PKP4: variants seen among roughly 807,000 people sequenced by gnomAD.
PKP4 encodes plakophilin-4.
PKP4 carries 90 observed loss-of-function variants against 145.1 expected under a neutral mutation model. The observed-to-expected ratio is 0.62, with a 90% CI of 0.52 to 0.74. The LOEUF (loss-of-function observed/expected upper bound fraction) is 0.74, where lower values mean the gene tolerates loss of function less well. Ranked by LOEUF, PKP4 falls within the 30% of genes least tolerant of loss-of-function variation. PKP4 has a pLI of 0.00. For synonymous variants in PKP4, 563 were observed against 577.2 expected (o/e 0.98, Z 0.35); for missense variants, 1,340 against 1,482.7 (o/e 0.90, Z 1.58).
chr2:158,655,973 T>C (rs1409418973), intron 11 of PKP4, among the ~76,000 whole-genome samples: 1 of 152,252 alleles, frequency 6.6e-6, no homozygotes, highest in Non-Finnish European at 1.5e-5. Flanking sequence ...TCCCTTGCCC[T>C]GTTATTTGGT....
rs1436786209 is a variant in PKP4, at chr2:158,642,824, C to T, written c.1909+125C>T. On this transcript the variant is annotated intron_variant, in intron 11 of 21. Transcript: ENST00000389759. ...AATAGATAATGAGATATATATAGTG[C>T]TCACAACTGTGAAGGCTGAGAATTA... 7.0e-6 allele frequency: 4 copies of T among 570,212 alleles called. No individual in the cohort carries two copies. The African/African-American group carries it at 7.4e-5, about 11-fold the overall frequency. 35.3% of individuals were successfully genotyped at this position (570,212 alleles called of 1,614,324 possible).
chr2:158,563,873 A>G (rs992743063), intron 2 of PKP4, among the ~76,000 whole-genome samples: 2 of 152,178 alleles, frequency 1.3e-5, no homozygotes, highest in African/African-American at 4.8e-5. Flanking sequence ...TTGGAATATT[A>G]TTGAACACTG....
chr2:158,551,931 G>T (rs1391499252), intron 2 of PKP4, among the ~76,000 whole-genome samples: 1 of 152,122 alleles, frequency 6.6e-6, no homozygotes, highest in African/African-American at 2.4e-5. Context: ...ACTGATTGTG[G>T]GAGGCAGAAT....
intron 3 of PKP4, among the ~76,000 whole-genome samples, chr2:158,590,169 C>A (rs1401213278): frequency 6.6e-6 from 1 of 151,976 alleles, no homozygotes; most frequent in Non-Finnish European, 1.5e-5. Context: ...GAAAAACACT[C>A]TAAAACTGAA....
chr2:158,524,324 T>C lies in PKP4; in HGVS notation c.-5-8856T>C, dbSNP rs1221570102. On this transcript the variant is annotated intron_variant, in intron 1 of 21. Coordinates refer to ENST00000389759, the MANE Select transcript of PKP4 (RefSeq NM_003628.6). ...CAAGCCAGAAGAGAGTGGGGGCCAATATTCAACATTCTTAAAGAAAAGAAT... is the reference window on the plus strand; with the variant it reads ...CAAGCCAGAAGAGAGTGGGGGCCAACATTCAACATTCTTAAAGAAAAGAAT... 7.0e-5 allele frequency among the ~76,000 whole-genome samples: 3 copies of C among 42,800 alleles called. No homozygotes were observed. In the East Asian group the frequency reaches 2.2e-3, roughly 31 times the overall value. The allele number at this position is 42,800 out of a possible 152,430, so 28.1% of individuals were successfully genotyped here.
At position 158,634,671 on chromosome 2, in the gene PKP4, A is replaced by G. The variant is rs1223993196; in HGVS notation, c.1562+382A>G. Among the ~76,000 whole-genome samples the G allele has an allele frequency of 2.0e-5, 3 of 152,238 alleles. No individual in the cohort carries two copies. In the East Asian group the frequency reaches 5.8e-4, roughly 29 times the overall value. ...CGACTTCTTCGATAACAGCTTCAAA[A>G]AATGGATTTGGTTATTACAAACTAG... On this transcript the variant is annotated intron_variant, in intron 9 of 21. Transcript: ENST00000389759.
At chr2:158,486,080 G>A (rs1348083115) in intron 1 of PKP4, among the ~76,000 whole-genome samples, 9 of 152,154 alleles carry the variant, frequency 5.9e-5, no homozygotes, top group Admixed American at 5.2e-4. Flanking sequence ...ATTTGATAAG[G>A]AAAATTGGAA....
chr2:158,570,694 A>C (rs950994929), intron 2 of PKP4, among the ~76,000 whole-genome samples: 1 of 152,172 alleles, frequency 6.6e-6, no homozygotes, highest in Admixed American at 6.5e-5. Context: ...CTAGCATGAG[A>C]TGATTTTTGT....
At position 158,673,771 on chromosome 2, in the gene PKP4, A is replaced by G. The variant is rs780179380; in HGVS notation, c.3009+10A>G. 4.4e-6 allele frequency: 7 copies of G among 1,576,132 alleles called. No homozygotes were observed. The East Asian group carries it at 6.7e-5, about 15-fold the overall frequency. On this transcript the variant is annotated intron_variant, in intron 18 of 21. Transcript: ENST00000389759. The stretch of plus-strand genomic sequence containing the variant: ...GAGCATTTATAAAAAGGTAACCTAC[A>G]AGAATAGCTCTGGCATAATTAGCAT...
chr2:158,639,328 G>GTGTGTA (rs1273994557), intron 9 of PKP4, among the ~76,000 whole-genome samples: 1 of 151,786 alleles, frequency 6.6e-6, no homozygotes, highest in Non-Finnish European at 1.5e-5. Context: ...AGGGGTGTGT[G>GTGTGTA]TGTGTGTGTG....
chr2:158,543,824 C>T (rs1028691257), intron 2 of PKP4, among the ~76,000 whole-genome samples: 2 of 152,062 alleles, frequency 1.3e-5, no homozygotes, highest in African/African-American at 4.8e-5. Context: ...GTTCTCCGTA[C>T]GTGGTTACTC....
intron 19 of PKP4, among the ~76,000 whole-genome samples, chr2:158,675,598 G>A (rs947389189): frequency 8.5e-5 from 13 of 152,208 alleles, no homozygotes; most frequent in Non-Finnish European, 1.6e-4. Flanking sequence ...TATTCTAAGG[G>A]CTGATAATGC....
At chr2:158,678,120 A>G (rs1295900190) in intron 20 of PKP4, among the ~76,000 whole-genome samples, 1 of 152,138 alleles carries the variant, frequency 6.6e-6, no homozygotes, top group Non-Finnish European at 1.5e-5. Flanking sequence ...GAGATTTTGA[A>G]TCCCAGTTGT....
At chr2:158,645,826 TAAAC>T (rs942314214) in intron 11 of PKP4, among the ~76,000 whole-genome samples, 3 of 152,256 alleles carry the variant, frequency 2.0e-5, no homozygotes, top group African/African-American at 7.2e-5. Flanking sequence ...GATTTAGTGT[TAAAC>T]AGGAAGAAAA....
In PKP4 at chr2:158,586,990, C is replaced by A. The variant is rs138580261; in HGVS notation, c.245+9607C>A. On this transcript the variant is annotated intron_variant, in intron 3 of 21. Coordinates refer to ENST00000389759, the MANE Select transcript of PKP4 (RefSeq NM_003628.6). Reference sequence around the variant, plus strand: ...CCATGAAGAATTTTAAACAATATATCTTTTATGAGTAATAGAATCTTTTTT... The same window carrying A: ...CCATGAAGAATTTTAAACAATATATATTTTATGAGTAATAGAATCTTTTTT... Among the ~76,000 whole-genome samples the A allele has an allele frequency of 5.0e-4, 76 of 152,292 alleles. 1 individual carries two copies. The highest frequency in any genetic ancestry group is 1.8e-3 in the African/African-American group (73 of 41,562).
chr2:158,599,666 C>T (rs1356285220), intron 3 of PKP4, among the ~76,000 whole-genome samples: 2 of 152,128 alleles, frequency 1.3e-5, no homozygotes, highest in Non-Finnish European at 2.9e-5. Flanking sequence ...TCTTCTCTGG[C>T]TTATGTAAGC....
chr2:158,643,451 C>T (rs1051959192), intron 11 of PKP4, among the ~76,000 whole-genome samples: 1 of 152,074 alleles, frequency 6.6e-6, no homozygotes, highest in Non-Finnish European at 1.5e-5. Context: ...TAGCTCACAC[C>T]TGTAATCGCA....
chr2:158,655,193 A>G (rs1479157424), intron 11 of PKP4, among the ~76,000 whole-genome samples: 1 of 152,222 alleles, frequency 6.6e-6, no homozygotes, highest in African/African-American at 2.4e-5. Flanking sequence ...ATGAATGTTT[A>G]TGCTATGTCC....
chr2:158,632,465 A>G (rs17421834), intron 8 of PKP4: 15,299 of 155,376 alleles, frequency 0.098, 847 homozygotes, highest in Middle Eastern at 0.17. Flanking sequence ...ACAGGATTCA[A>G]TAGCGACATT....
Sources: gnomAD v4.1 joint callset for allele counts (sites outside exome capture counted in the v4.1 genomes callset) on GRCh38, gnomAD v4.1.1 for gene constraint, MANE v1.5 for transcripts, NCBI Gene and HGNC (gene_info 2026-07-23, HGNC 2026-07-21) for gene names.